GPM6B: variants seen among roughly 807,000 people sequenced by gnomAD.
GPM6B encodes neuronal membrane glycoprotein M6-b.
Under a neutral mutation model 27.2 loss-of-function variants are expected in GPM6B, and 4 were observed. The ratio of observed to expected loss-of-function variants is 0.15; its 90% confidence interval spans 0.07 to 0.34. GPM6B has a LOEUF of 0.34. GPM6B is among the 10% of genes least tolerant of loss of function. The pLI is 1.00. For missense variants in GPM6B, 183 were observed against 261.9 expected, an observed-to-expected ratio of 0.70 and a Z score of 2.08; for synonymous variants, 124 against 103.1, an observed-to-expected ratio of 1.20 and a Z score of -1.23.
At chrX:13,782,713 G>A (rs966624054) in intron 4 of GPM6B, among the ~76,000 whole-genome samples, 8 of 95,858 alleles carry the variant, frequency 8.3e-5, no homozygotes, top group Non-Finnish European at 2.0e-5. Flanking sequence ...TGGAGATCGC[G>A]ACACTGCCCT....
At chrX:13,784,619 AAAAG>A (rs1455938221) in intron 3 of GPM6B, among the ~76,000 whole-genome samples, 1 of 112,050 alleles carries the variant, frequency 8.9e-6, no homozygotes, top group Non-Finnish European at 1.9e-5. Context: ...CAAGGGAAGA[AAAAG>A]AAACGGTAGA....
intron 1 of GPM6B, among the ~76,000 whole-genome samples, chrX:13,880,446 C>T (rs1023223568): frequency 8.2e-5 from 9 of 110,323 alleles, no homozygotes; most frequent in South Asian, 4.0e-4. Context: ...GAGGCCGAGG[C>T]GGGCGGGTCA....
chrX:13,773,357 A>C (rs2048338249), intron 7 of GPM6B: 1 of 164,174 alleles, frequency 6.1e-6, no homozygotes, highest in Non-Finnish European at 1.1e-5. Context: ...TTTAAAGACT[A>C]ATGCGAAAGT....
At chrX:13,910,520 C>T (rs1014662010) in intron 1 of GPM6B, among the ~76,000 whole-genome samples, 4 of 113,286 alleles carry the variant, frequency 3.5e-5, no homozygotes, top group Non-Finnish European at 5.6e-5. Flanking sequence ...CCACTGAAAA[C>T]GGATGCAGGC....
chrX:13,866,260 G>A (rs2049917112), intron 1 of GPM6B, among the ~76,000 whole-genome samples: 1 of 112,408 alleles, frequency 8.9e-6, no homozygotes, highest in Non-Finnish European at 1.9e-5. Flanking sequence ...CTACTAGGGA[G>A]GCTGAGGCAG....
chrX:13,857,972 T>C (rs1264990442), intron 1 of GPM6B, among the ~76,000 whole-genome samples: 1 of 112,635 alleles, frequency 8.9e-6, no homozygotes, highest in African/African-American at 3.2e-5. Flanking sequence ...TGCCAGAAAC[T>C]GAAAGAATAC....
intron 1 of GPM6B, among the ~76,000 whole-genome samples, chrX:13,849,145 C>G (rs1210090122): frequency 1.8e-5 from 2 of 111,912 alleles, no homozygotes; most frequent in Non-Finnish European, 3.8e-5. Context: ...AAATTATACC[C>G]AAATACAATT....
Position 13,779,843 on chromosome X carries a change from C to G in GPM6B, c.672G>C (p.Gln224His). The G allele has an allele frequency of 8.4e-7, 1 of 1,187,897 alleles. No individual in the cohort carries two copies. The highest frequency in any genetic ancestry group is 1.8e-5 in the South Asian group (1 of 54,214). The change falls in exon 5 of 8, where the codon CAG becomes CAC. Residue 224 changes from glutamine to histidine, a missense_variant. Gln to His is a conservative substitution (Grantham distance 24, BLOSUM62 0). Transcript: ENST00000316715. ...CGTATTGTCGGATATCCACACAGAT[C>G]TGCTCCACACCCGTGGTCCCGTTGG... ...PQTNGTTGVE[Q>H]ICVDIRQYGI...
At chrX:13,920,261 T>G (rs1221295790) in intron 1 of GPM6B, among the ~76,000 whole-genome samples, 1 of 47,279 alleles carries the variant, frequency 2.1e-5, no homozygotes, top group Non-Finnish European at 3.7e-5. Flanking sequence ...AGTAAGACTC[T>G]GTCTCAAAAA....
intron 2 of GPM6B, among the ~76,000 whole-genome samples, chrX:13,804,286 G>A (rs913629991): frequency 9.0e-6 from 1 of 110,722 alleles, no homozygotes; most frequent in Non-Finnish European, 1.9e-5. Context: ...CAGTCTGGAA[G>A]TGCTCCCTCC....
chrX:13,867,666 C>T (rs2049933753), intron 1 of GPM6B, among the ~76,000 whole-genome samples: 1 of 111,332 alleles, frequency 9.0e-6, no homozygotes, highest in Non-Finnish European at 1.9e-5. Flanking sequence ...TGAGGCCAAC[C>T]CATTCAACAA....
intron 5 of GPM6B, 33 bp from the exon 6 acceptor site, chrX:13,777,458 A>C (rs780843516): frequency 1.0e-6 from 1 of 980,732 alleles, no homozygotes; most frequent in African/African-American, 1.9e-5. Context: ...ATGTTAGTAC[A>C]AACTATAGCG....
intron 1 of GPM6B, among the ~76,000 whole-genome samples, chrX:13,846,831 A>G (rs1224298131): frequency 1.1e-5 from 1 of 91,065 alleles, no homozygotes; most frequent in Non-Finnish European, 2.1e-5. Context: ...TTCTTTGCCT[A>G]ATCATCTTTC....
Position 13,920,495 on chromosome X carries a change from C to G in GPM6B, c.-198+17832G>C, listed in dbSNP as rs147282804. Among the ~76,000 whole-genome samples, 102 of 110,379 alleles carry G rather than the reference C, an allele frequency of 9.2e-4. No homozygotes were observed. The East Asian group carries it at 0.014, about 15-fold the overall frequency. Reference sequence around the variant, plus strand: ...CATAATCTGAACCTAACATCTTCACCAAGGATTGGGAAAGCCAGGGAAACA... The same window carrying G: ...CATAATCTGAACCTAACATCTTCACGAAGGATTGGGAAAGCCAGGGAAACA... On this transcript the variant is annotated intron_variant, in intron 1 of 6. Coordinates refer to the GPM6B transcript ENST00000398361.
chrX:13,859,131 G>A (rs773758617), intron 1 of GPM6B, among the ~76,000 whole-genome samples: 1 of 112,290 alleles, frequency 8.9e-6, no homozygotes, highest in South Asian at 3.7e-4. Context: ...ATTTTTAAGT[G>A]TACAATTTTA....
chrX:13,826,291 CCCTTA>C (rs1039239028), intron 1 of GPM6B, among the ~76,000 whole-genome samples: 3 of 110,854 alleles, frequency 2.7e-5, no homozygotes, highest in South Asian at 3.9e-4. Context: ...ACAAGGAATA[CCCTTA>C]CCTTACGTCT....
chrX:13,797,054 T>C (rs2048829236), intron 2 of GPM6B, among the ~76,000 whole-genome samples: 1 of 112,055 alleles, frequency 8.9e-6, no homozygotes, highest in Non-Finnish European at 1.9e-5. Context: ...CTCCAGACAT[T>C]TGAGAAGTAT....
At chrX:13,842,491 G>A (rs1197405252) in intron 1 of GPM6B, among the ~76,000 whole-genome samples, 1 of 111,337 alleles carries the variant, frequency 9.0e-6, no homozygotes, top group Non-Finnish European at 1.9e-5. Context: ...AAGCCCAGGG[G>A]CCCCTAATGA....
At chrX:13,932,184 T>C (rs771785493) in intron 1 of GPM6B, among the ~76,000 whole-genome samples, 4 of 111,096 alleles carry the variant, frequency 3.6e-5, no homozygotes, top group African/African-American at 9.8e-5. Flanking sequence ...CTCCCCCACA[T>C]TGAGGCCATT....
Sources: allele counts gnomAD v4.1 joint callset (sites outside exome capture counted in the v4.1 genomes callset), GRCh38; gene constraint gnomAD v4.1.1; transcripts MANE v1.5; gene names NCBI Gene and HGNC (gene_info 2026-07-23, HGNC 2026-07-21).